ANK2: variants seen among roughly 807,000 people sequenced by gnomAD.
ANK2 encodes ankyrin 2, also known as ankyrin-2.
In ANK2, 83 loss-of-function variants were observed where a neutral mutation model predicts 360.5. That is an observed-to-expected ratio of 0.23 (90% CI 0.19 to 0.28). The LOEUF is 0.28. ANK2 is among the 10% of genes least tolerant of loss of function. ANK2 has a pLI of 1.00. For synonymous variants in ANK2, 1,740 were observed against 1,759.5 expected (o/e 0.99, Z 0.28); for missense variants, 4,201 against 4,795.7 (o/e 0.88, Z 3.66).
chr4:112,828,523 G>T (rs574867522), intron 1 of ANK2, among the ~76,000 whole-genome samples: 3 of 152,036 alleles, frequency 2.0e-5, no homozygotes, highest in Non-Finnish European at 4.4e-5. Flanking sequence ...GTGAGCCACC[G>T]CGCCCAGCTG....
intron 2 of ANK2, among the ~76,000 whole-genome samples, chr4:112,933,844 G>A (rs2154239932): frequency 6.6e-6 from 1 of 152,114 alleles, no homozygotes; most frequent in Middle Eastern, 3.4e-3. Context: ...AAAGTAGAAA[G>A]TGATTTTCTA....
the ANK2 span, among the ~76,000 whole-genome samples, chr4:112,737,135 G>A: frequency 2.1e-4 from 32 of 152,158 alleles, no homozygotes; most frequent in African/African-American, 7.2e-4. Context: ...ATAAATTGGG[G>A]ATAATATGTT....
intron 1 of ANK2, among the ~76,000 whole-genome samples, chr4:113,129,376 G>A (rs1450396105): frequency 6.6e-6 from 1 of 152,108 alleles, no homozygotes; most frequent in African/African-American, 2.4e-5. Flanking sequence ...ATCATAGAGG[G>A]AAAAAGTTGA....
In ANK2 at chr4:113,343,341, A is replaced by G. The variant is rs557903521; in HGVS notation, c.4248+199A>G. ...AAGTCAACCTGAATTTTTATAGACTATATTTAAGGATGAGAACAGGACAAA... is the reference window on the plus strand; with the variant it reads ...AAGTCAACCTGAATTTTTATAGACTGTATTTAAGGATGAGAACAGGACAAA... On this transcript the variant is annotated intron_variant, in intron 34 of 45. Coordinates refer to ENST00000357077, the MANE Select transcript of ANK2 (RefSeq NM_001148.6). Among the ~76,000 whole-genome samples the G allele has an allele frequency of 2.6e-5, 4 of 152,332 alleles. No homozygotes were observed. The East Asian group carries it at 5.8e-4, about 22-fold the overall frequency.
intron 4 of ANK2, among the ~76,000 whole-genome samples, chr4:113,199,575 A>AAT (rs2098799882): frequency 6.6e-6 from 1 of 152,102 alleles, no homozygotes. Flanking sequence ...ATAAATAGGA[A>AAT]ATGTATGGTT....
upstream of ANK2, among the ~76,000 whole-genome samples, chr4:113,046,597 G>T (rs1173909741): frequency 6.6e-6 from 1 of 152,004 alleles, no homozygotes; most frequent in Non-Finnish European, 1.5e-5. Context: ...TGCCATCTGG[G>T]AAGAAGAGAC....
intron 1 of ANK2, among the ~76,000 whole-genome samples, chr4:113,135,920 T>C (rs1431842308): frequency 6.6e-6 from 1 of 152,218 alleles, no homozygotes; most frequent in African/African-American, 2.4e-5. Context: ...TGCAGATTGC[T>C]ATTCTCGGAG....
At chr4:112,829,313 A>G (rs1210181253) in intron 1 of ANK2, among the ~76,000 whole-genome samples, 1 of 151,980 alleles carries the variant, frequency 6.6e-6, no homozygotes, top group African/African-American at 2.4e-5. Context: ...TTCTCCCTTT[A>G]TATCTGAGTG....
At chr4:112,712,519 T>C in the ANK2 span, among the ~76,000 whole-genome samples, 1 of 148,618 alleles carries the variant, frequency 6.7e-6, no homozygotes, top group Admixed American at 6.9e-5. Context: ...GCCATTCCCC[T>C]GCCTCAGCCT....
intron 14 of ANK2, among the ~76,000 whole-genome samples, chr4:113,272,883 C>T (rs1218183917): frequency 6.6e-6 from 1 of 152,156 alleles, no homozygotes; most frequent in Non-Finnish European, 1.5e-5. Context: ...AACAAATGTT[C>T]ATCATAGCTA....
intron 1 of ANK2, among the ~76,000 whole-genome samples, chr4:113,130,854 G>C (rs1305148724): frequency 6.6e-6 from 1 of 152,178 alleles, no homozygotes; most frequent in African/African-American, 2.4e-5. Context: ...AGGAAGAGAA[G>C]TTTCCTTAGG....
chr4:113,069,579 G>A (rs1180908403), intron 1 of ANK2, among the ~76,000 whole-genome samples: 4 of 152,146 alleles, frequency 2.6e-5, no homozygotes, highest in Non-Finnish European at 5.9e-5. Context: ...ACCTTAAATG[G>A]AGTATTTTGC....
intron 2 of ANK2, among the ~76,000 whole-genome samples, chr4:112,930,624 C>T (rs1279432775): frequency 1.3e-5 from 2 of 151,930 alleles, no homozygotes; most frequent in Admixed American, 1.3e-4. Flanking sequence ...TGCAGTGGCC[C>T]ATGCCTGTAA....
intron 1 of ANK2, among the ~76,000 whole-genome samples, chr4:112,864,397 C>T (rs951223305): frequency 7.2e-5 from 11 of 152,108 alleles, no homozygotes; most frequent in Admixed American, 3.9e-4. Flanking sequence ...GCAATCTCCG[C>T]CTCCCAAGTT....
intron 2 of ANK2, among the ~76,000 whole-genome samples, chr4:112,985,817 C>A (rs917396510): frequency 6.6e-6 from 1 of 151,858 alleles, no homozygotes; most frequent in African/African-American, 2.4e-5. Flanking sequence ...TGGCAATGGA[C>A]TTTGGGGACT....
chr4:112,794,665 A>T, the ANK2 span, among the ~76,000 whole-genome samples: 1 of 152,208 alleles, frequency 6.6e-6, no homozygotes, highest in Non-Finnish European at 1.5e-5. Context: ...GAATGCAGAG[A>T]TAAAGAAGCA....
At chr4:113,030,037 A>G (rs919433358) in intron 2 of ANK2, among the ~76,000 whole-genome samples, 5 of 152,134 alleles carry the variant, frequency 3.3e-5, no homozygotes, top group African/African-American at 1.2e-4. Flanking sequence ...TTTATTATCT[A>G]AAACAAAAAT....
At chr4:113,297,735 TGCTATA>T (rs2072606112) in intron 22 of ANK2, among the ~76,000 whole-genome samples, 1 of 152,074 alleles carries the variant, frequency 6.6e-6, no homozygotes, top group African/African-American at 2.4e-5. Context: ...TGTATATATA[TGCTATA>T]ATATGTATAT....
chr4:112,894,221 A>T (rs970973056), intron 1 of ANK2, among the ~76,000 whole-genome samples: 5 of 152,122 alleles, frequency 3.3e-5, no homozygotes, highest in African/African-American at 1.2e-4. Flanking sequence ...CTAGGCATGT[A>T]ATAGGCCCTG....
Sources: allele counts gnomAD v4.1 joint callset (sites outside exome capture counted in the v4.1 genomes callset), GRCh38; gene constraint gnomAD v4.1.1; transcripts MANE v1.5; gene names NCBI Gene and HGNC (gene_info 2026-07-23, HGNC 2026-07-21).